RAE1: variants seen among roughly 807,000 people sequenced by gnomAD.
RAE1 encodes mRNA export factor RAE1.
A neutral mutation model predicts 52.7 loss-of-function variants in RAE1; 13 were observed. The observed-to-expected ratio is 0.25, with a 90% CI of 0.16 to 0.39. RAE1 has a LOEUF of 0.39. Ranked by LOEUF, RAE1 falls within the 10% of genes least tolerant of loss-of-function variation. The probability of loss-of-function intolerance (pLI) is 1.00; values close to 1 mark genes in which losing one functional copy is unlikely to be tolerated. For missense variants in RAE1, 262 were observed against 459.8 expected (o/e 0.57, Z 3.93); for synonymous variants, 164 against 153.1 (o/e 1.07, Z -0.52).
chr20:57,362,416 T>G (rs904618490), intron 4 of RAE1, among the ~76,000 whole-genome samples: 2 of 152,228 alleles, frequency 1.3e-5, no homozygotes, highest in Non-Finnish European at 2.9e-5. Flanking sequence ...TGCAACTTAT[T>G]TTTAGTTTAC....
At chr20:57,351,535 G>A in intron 1 of RAE1, 113 bp downstream of exon 1, 2 of 985,502 alleles carry the variant, frequency 2.0e-6, no homozygotes, top group Non-Finnish European at 2.4e-6. Context: ...GAGCGGGACT[G>A]TTGACTAAGC....
intron 3 of RAE1, 101 bp from the exon 4 acceptor site, chr20:57,356,345 G>T: frequency 1.3e-6 from 1 of 775,798 alleles, no homozygotes; most frequent in Non-Finnish European, 2.1e-6. Context: ...GCTATGAGAA[G>T]TCTATGTATG....
In RAE1 at chr20:57,379,108, C is replaced by G. The variant is rs1033000456; in HGVS notation, c.*1009C>G. On this transcript the variant is annotated 3_prime_UTR_variant, in exon 12 of 12. Transcript: ENST00000395841. Reference sequence around the variant, plus strand: ...GTTTGGACTAATGTGTGAAGTCTGACTTGCTGAGTGTAAAATTCTAGTATC... The same window carrying G: ...GTTTGGACTAATGTGTGAAGTCTGAGTTGCTGAGTGTAAAATTCTAGTATC... 4 of 152,160 alleles carry G rather than the reference C, an allele frequency of 2.6e-5. No homozygotes were observed. The highest frequency in any genetic ancestry group is 9.7e-5 in the African/African-American group (4 of 41,432). 9.4% of individuals were successfully genotyped at this position (152,160 alleles called of 1,614,324 possible). A position where few individuals can be genotyped will look rare whatever the true frequency, so the allele number is the denominator to read the frequency against.
chr20:57,359,083 C>T (rs1475532617), intron 4 of RAE1: 5 of 1,401,166 alleles, frequency 3.6e-6, no homozygotes, highest in African/African-American at 2.9e-5. Flanking sequence ...ATGCTACCTT[C>T]GCACGGTCAG....
intron 10 of RAE1, among the ~76,000 whole-genome samples, chr20:57,374,367 T>C (rs761869469): frequency 3.9e-5 from 6 of 152,228 alleles, no homozygotes; most frequent in Non-Finnish European, 8.8e-5. Flanking sequence ...TGCTCCTTGT[T>C]TCTTGCTGTC....
At chr20:57,374,378 C>T (rs929198647) in intron 10 of RAE1, among the ~76,000 whole-genome samples, 15 of 152,172 alleles carry the variant, frequency 9.9e-5, no homozygotes, top group Admixed American at 7.2e-4. Context: ...TCTTGCTGTC[C>T]ACATGCTCAC....
chr20:57,353,415 T>C (rs1042390114), intron 1 of RAE1, among the ~76,000 whole-genome samples: 13 of 152,212 alleles, frequency 8.5e-5, no homozygotes, highest in African/African-American at 2.9e-4. Flanking sequence ...TAGATTATGA[T>C]ATTCAAGAAA....
At chr20:57,367,131 G>C (rs747949833) in intron 7 of RAE1, 52 bp downstream of exon 7, 1 of 1,431,626 alleles carries the variant, frequency 7.0e-7, no homozygotes, top group South Asian at 1.3e-5. Flanking sequence ...AACAAAATAA[G>C]TATTCTCACC....
At chr20:57,373,251 C>T (rs569388311) in intron 8 of RAE1, 19 of 549,472 alleles carry the variant, frequency 3.5e-5, no homozygotes, top group East Asian at 1.6e-4. Flanking sequence ...GAGCGAGCAG[C>T]GGGGGCGGGG....
At chr20:57,365,875 C>T (rs566526873) in intron 5 of RAE1, among the ~76,000 whole-genome samples, 17 of 152,320 alleles carry the variant, frequency 1.1e-4, no homozygotes, top group South Asian at 8.3e-4. Flanking sequence ...TTTCCCCACA[C>T]GTGTGGAACT....
At chr20:57,352,438 C>T (rs562876240) in intron 1 of RAE1, among the ~76,000 whole-genome samples, 2 of 152,244 alleles carry the variant, frequency 1.3e-5, no homozygotes, top group South Asian at 2.1e-4. Context: ...GCCAGCAGAG[C>T]TAGGAGGGCT....
chr20:57,376,272 A>G lies in RAE1; in HGVS notation c.1020+1471A>G, dbSNP rs952769194. Among the ~76,000 whole-genome samples, 4 of 152,316 alleles carry G rather than the reference A, an allele frequency of 2.6e-5. No homozygotes were observed. The South Asian group carries it at 6.2e-4, about 24-fold the overall frequency. ...TTTAAAGCAACTTTATTGAGGTACAATTGAAATACAGTCATTGTTTAAAGT... is the reference window on the plus strand; with the variant it reads ...TTTAAAGCAACTTTATTGAGGTACAGTTGAAATACAGTCATTGTTTAAAGT... On this transcript the variant is annotated intron_variant, in intron 11 of 11. Transcript: ENST00000395841.
chr20:57,378,315 A>G lies in RAE1; in HGVS notation c.*216A>G, dbSNP rs909493148. Reference sequence around the variant, plus strand: ...CCTGTTGCAGAGTTTTTCTGTAACTAAGGGGGTTGAGGTTATTGTAGACGT... The same window carrying G: ...CCTGTTGCAGAGTTTTTCTGTAACTGAGGGGGTTGAGGTTATTGTAGACGT... On this transcript the variant is annotated 3_prime_UTR_variant, in exon 12 of 12. Coordinates refer to ENST00000395841, the MANE Select transcript of RAE1 (RefSeq NM_003610.4). The G allele has an allele frequency of 1.9e-6, 1 of 520,476 alleles. No individual in the cohort carries two copies. Among genetic ancestry groups the G allele is most frequent in the Admixed American group, 3.3e-5 (1 of 30,190 alleles). The allele number at this position is 520,476 out of a possible 1,614,324, so 32.2% of individuals were successfully genotyped here. A position where few individuals can be genotyped will look rare whatever the true frequency, so the allele number is the denominator to read the frequency against.
At chr20:57,372,539 T>TA (rs1464174427) in intron 8 of RAE1, 24 of 152,296 alleles carry the variant, frequency 1.6e-4, no homozygotes, top group African/African-American at 5.5e-4. Flanking sequence ...TCTAAGAACT[T>TA]ACAGATGTTT....
At chr20:57,367,742 A>C (rs75686685) in intron 7 of RAE1, among the ~76,000 whole-genome samples, 313 of 144,598 alleles carry the variant, frequency 2.2e-3, no homozygotes, top group African/African-American at 8.3e-3. Flanking sequence ...ACTATCTCAA[A>C]AAAAAAAAAA....
chr20:57,355,453 T>C (rs537956246), intron 3 of RAE1, among the ~76,000 whole-genome samples: 9 of 152,334 alleles, frequency 5.9e-5, no homozygotes, highest in Non-Finnish European at 1.2e-4. Flanking sequence ...GCTGAAACCC[T>C]GCATGTATGG....
intron 4 of RAE1, among the ~76,000 whole-genome samples, chr20:57,361,557 C>T (rs146808597): frequency 8.7e-4 from 133 of 152,218 alleles, no homozygotes; most frequent in African/African-American, 2.7e-3. Context: ...TACGTGCATG[C>T]GTGAGCATCT....
chr20:57,368,914 A>T (rs2066995478), intron 8 of RAE1, 102 bp downstream of exon 8: 4 of 932,604 alleles, frequency 4.3e-6, no homozygotes, highest in South Asian at 3.0e-5. Context: ...ACCTGTAAGT[A>T]TGTTCAAAGA....
chr20:57,355,485 T>A (rs1320130095), intron 3 of RAE1, among the ~76,000 whole-genome samples: 1 of 152,204 alleles, frequency 6.6e-6, no homozygotes, highest in Non-Finnish European at 1.5e-5. Context: ...GTAAGTTGGC[T>A]TTTCCACAGG....
Sources: gnomAD v4.1 joint callset for allele counts (sites outside exome capture counted in the v4.1 genomes callset) on GRCh38, gnomAD v4.1.1 for gene constraint, MANE v1.5 for transcripts, NCBI Gene and HGNC (gene_info 2026-07-23, HGNC 2026-07-21) for gene names.